GLIS3: variants seen among roughly 807,000 people sequenced by gnomAD.
The protein encoded by GLIS3 is GLIS family zinc finger 3.
In GLIS3, 53 loss-of-function variants were observed where a neutral mutation model predicts 78.6. The ratio of observed to expected loss-of-function variants is 0.67; its 90% CI spans 0.54 to 0.85. The LOEUF (loss-of-function observed/expected upper bound fraction) is 0.85. Among genes scored for constraint, GLIS3 ranks in the 40% least tolerant of loss-of-function variants. GLIS3 has a pLI of 0.00. For missense variants in GLIS3, 1,703 were observed against 1,231.1 expected (o/e 1.38, Z -5.74); for synonymous variants, 684 against 509.9 (o/e 1.34, Z -4.60).
intron 4 of GLIS3, among the ~76,000 whole-genome samples, chr9:4,110,958 GACA>G (rs909434503): frequency 9.9e-5 from 15 of 152,242 alleles, no homozygotes; most frequent in Non-Finnish European, 1.0e-4. Context: ...ACCCTAAAAT[GACA>G]ACACGACCAC....
chr9:4,347,964 G>A (rs1270613207), intron 1 of GLIS3, among the ~76,000 whole-genome samples: 1 of 152,090 alleles, frequency 6.6e-6, no homozygotes, highest in African/African-American at 2.4e-5. Context: ...TTGCCCAGGA[G>A]TACCCTCATT....
intron 4 of GLIS3, among the ~76,000 whole-genome samples, chr9:4,058,751 C>T (rs142578404): frequency 0.017 from 2,601 of 152,110 alleles, 80 homozygotes; most frequent in African/African-American, 0.059. Flanking sequence ...GAGGCCAAGG[C>T]GGGCGGATCA....
At chr9:4,156,720 C>T (rs1358269154) in intron 2 of GLIS3, among the ~76,000 whole-genome samples, 6 of 152,018 alleles carry the variant, frequency 3.9e-5, no homozygotes, top group Admixed American at 2.0e-4. Flanking sequence ...TATGCTTAAG[C>T]GTCAGTAAGT....
intron 2 of GLIS3, among the ~76,000 whole-genome samples, chr9:4,146,286 C>T (rs1012540953): frequency 6.6e-6 from 1 of 152,074 alleles, no homozygotes; most frequent in Non-Finnish European, 1.5e-5. Context: ...TATTTGAAAC[C>T]GTTGAATATC....
intron 6 of GLIS3, among the ~76,000 whole-genome samples, chr9:3,905,351 C>T (rs992839588): frequency 5.9e-5 from 9 of 151,972 alleles, no homozygotes; most frequent in Non-Finnish European, 1.3e-4. Flanking sequence ...AGGGAAAGAA[C>T]CTGGGTAGCC....
intron 4 of GLIS3, among the ~76,000 whole-genome samples, chr9:4,028,772 T>C (rs1373583473): frequency 6.6e-6 from 1 of 152,204 alleles, no homozygotes; most frequent in Non-Finnish European, 1.5e-5. Flanking sequence ...GAACATTTTA[T>C]ATGGATTTGT....
the GLIS3 span, among the ~76,000 whole-genome samples, chr9:4,419,554 C>T: frequency 2.0e-5 from 3 of 152,040 alleles, no homozygotes; most frequent in Non-Finnish European, 2.9e-5. Context: ...TTTGAGGAGG[C>T]CGAGGCGGGT....
chr9:4,029,759 A>G (rs2130250319), intron 4 of GLIS3, among the ~76,000 whole-genome samples: 1 of 152,282 alleles, frequency 6.6e-6, no homozygotes, highest in South Asian at 2.1e-4. Flanking sequence ...CTCCAGTTCC[A>G]TCTATGTTGA....
intron 2 of GLIS3, among the ~76,000 whole-genome samples, chr9:4,128,068 T>C (rs1011985872): frequency 6.6e-6 from 1 of 152,240 alleles, no homozygotes; most frequent in Non-Finnish European, 1.5e-5. Flanking sequence ...TGTAAAAACA[T>C]GCACACCTTA....
At chr9:4,012,369 C>T (rs867753588) in intron 4 of GLIS3, among the ~76,000 whole-genome samples, 3 of 152,132 alleles carry the variant, frequency 2.0e-5, no homozygotes, top group East Asian at 3.8e-4. Context: ...CAATATAGAA[C>T]ATCTAGCAAA....
At chr9:4,477,804 G>A in the GLIS3 span, among the ~76,000 whole-genome samples, 46 of 152,184 alleles carry the variant, frequency 3.0e-4, no homozygotes, top group Non-Finnish European at 5.4e-4. Context: ...AGAGTAATAT[G>A]AATGTACTTA....
At chr9:3,951,456 G>A (rs1816672647) in intron 4 of GLIS3, among the ~76,000 whole-genome samples, 1 of 151,794 alleles carries the variant, frequency 6.6e-6, no homozygotes, top group Admixed American at 6.6e-5. Flanking sequence ...AAAGCAGGGA[G>A]TGCTCCTTTT....
intron 1 of GLIS3, chr9:4,298,565 C>A: frequency 3.2e-6 from 1 of 311,782 alleles, no homozygotes; most frequent in Non-Finnish European, 6.4e-6. Flanking sequence ...GAGAGCGACC[C>A]GGGCCGACTT....
chr9:4,169,178 A>C (rs537359482), intron 2 of GLIS3, among the ~76,000 whole-genome samples: 1 of 152,272 alleles, frequency 6.6e-6, no homozygotes, highest in African/African-American at 2.4e-5. Context: ...CTGACTTTTT[A>C]TCTCATAAAT....
chr9:3,870,287 A>G (rs989856414), intron 8 of GLIS3, among the ~76,000 whole-genome samples: 1 of 152,216 alleles, frequency 6.6e-6, no homozygotes. Context: ...CAAGAATTCA[A>G]TACCAGAAAG....
the GLIS3 span, among the ~76,000 whole-genome samples, chr9:4,418,198 G>A: frequency 6.6e-6 from 1 of 152,218 alleles, no homozygotes; most frequent in African/African-American, 2.4e-5. Context: ...GTCCTTTGAA[G>A]AAGCTATTCT....
At chr9:4,020,171 G>C (rs1390419383) in intron 4 of GLIS3, among the ~76,000 whole-genome samples, 1 of 152,102 alleles carries the variant, frequency 6.6e-6, no homozygotes, top group Non-Finnish European at 1.5e-5. Context: ...CAAAGCAAAG[G>C]GAACAGCCCA....
intron 2 of GLIS3, among the ~76,000 whole-genome samples, chr9:4,315,138 T>A (rs1321277906): frequency 6.6e-6 from 1 of 152,236 alleles, no homozygotes; most frequent in Non-Finnish European, 1.5e-5. Flanking sequence ...AGAAAGAGTC[T>A]AATTTTGGAT....
intron 6 of GLIS3, among the ~76,000 whole-genome samples, chr9:3,909,770 G>C (rs1414884575): frequency 6.6e-6 from 1 of 152,140 alleles, no homozygotes; most frequent in African/African-American, 2.4e-5. Flanking sequence ...AAAGGAACTA[G>C]GGTCCAAAAG....
Sources: gnomAD v4.1 joint callset for allele counts (sites outside exome capture counted in the v4.1 genomes callset) on GRCh38, gnomAD v4.1.1 for gene constraint, MANE v1.5 for transcripts, NCBI Gene and HGNC (gene_info 2026-07-23, HGNC 2026-07-21) for gene names.